ULK4: variants seen among roughly 807,000 people sequenced by gnomAD.
ULK4 encodes the protein inactive serine/threonine-protein kinase ULK4.
ULK4 carries 133 observed loss-of-function variants against 160.6 expected under a neutral mutation model. The ratio of observed to expected loss-of-function variants is 0.83; its 90% CI spans 0.72 to 0.96. The LOEUF (loss-of-function observed/expected upper bound fraction) is 0.96, where lower values mean the gene tolerates loss of function less well. Among genes scored for constraint, ULK4 ranks in the 40% least tolerant of loss-of-function variants. The pLI is 0.00. For missense variants in ULK4, 1,580 were observed against 1,499.5 expected (o/e 1.05, Z -0.89); for synonymous variants, 534 against 539.8 (o/e 0.99, Z 0.15).
At chr3:41,564,825 A>C (rs2087731769) in intron 32 of ULK4, among the ~76,000 whole-genome samples, 1 of 152,118 alleles carries the variant, frequency 6.6e-6, no homozygotes, top group Non-Finnish European at 1.5e-5. Context: ...AGTCTACAGT[A>C]GTGTACAGGA....
intron 34 of ULK4, among the ~76,000 whole-genome samples, chr3:41,422,370 G>A (rs1331702192): frequency 2.0e-5 from 3 of 152,090 alleles, no homozygotes; most frequent in Non-Finnish European, 4.4e-5. Flanking sequence ...CCACCTGCTT[G>A]TGGTGAAATT....
rs1221812410 is a variant in ULK4, at chr3:41,249,542, G to C, written c.3711C>G (p.Leu1237=). The C allele has an allele frequency of 9.3e-6, 15 of 1,613,996 alleles. No homozygotes were observed. Among genetic ancestry groups the C allele is most frequent in the Non-Finnish European group, 1.3e-5 (15 of 1,180,002 alleles). Residue 1237 remains leucine, a synonymous_variant, in exon 36 of 37, where the codon CTC becomes CTG. Transcript: ENST00000301831. ...CCCGCAGGAGGCTGCCTGCATTCTT[G>C]AGGCTCTCCAAGTGCTTCTCATTGG... The part of the protein sequence containing the change: ...ITSNEKHLES[L]KNAGSLLRAL...
chr3:41,679,723 T>G (rs1421763270), intron 29 of ULK4, among the ~76,000 whole-genome samples: 1 of 152,220 alleles, frequency 6.6e-6, no homozygotes, highest in South Asian at 2.1e-4. Context: ...AAATGTGGTT[T>G]CAGATTAACA....
rs1279954275 is a variant in ULK4 at position 41,774,562 on chromosome 3, G to C, written c.2193+15099C>G. Among the ~76,000 whole-genome samples, 5 of 148,598 alleles carry C rather than the reference G, an allele frequency of 3.4e-5. No individual in the cohort carries two copies. The East Asian group carries it at 7.7e-4, about 23-fold the overall frequency. On this transcript the variant is annotated intron_variant, in intron 21 of 36. Transcript: ENST00000301831. The stretch of plus-strand genomic sequence containing the variant: ...CAGTTAGAATGGCGATCATTAAAAA[G>C]TCAGGAAACAACAGGTGCTGGAGAG...
At chr3:41,775,192 G>T (rs1413417969) in intron 21 of ULK4, among the ~76,000 whole-genome samples, 1 of 150,016 alleles carries the variant, frequency 6.7e-6, no homozygotes, top group African/African-American at 2.5e-5. Context: ...TGCACGTTGT[G>T]CACATGTACC....
chr3:41,769,299 C>T (rs1379147067), intron 21 of ULK4, among the ~76,000 whole-genome samples: 7 of 152,190 alleles, frequency 4.6e-5, no homozygotes, highest in Admixed American at 3.3e-4. Context: ...TAACCTTAAG[C>T]AATGTGTACC....
chr3:41,632,512 T>G (rs1371751657), intron 30 of ULK4, among the ~76,000 whole-genome samples: 2 of 152,082 alleles, frequency 1.3e-5, no homozygotes, highest in East Asian at 1.9e-4. Flanking sequence ...CTGGGCCAAA[T>G]GAGAGCTGCA....
chr3:41,590,781 G>GA (rs553763939), intron 31 of ULK4, among the ~76,000 whole-genome samples: 2,648 of 120,968 alleles, frequency 0.022, 61 homozygotes, highest in African/African-American at 0.067. Context: ...GGTACAGAAA[G>GA]AAAAAAAAAA....
At chr3:41,400,657 C>A (rs1179095707) in intron 34 of ULK4, among the ~76,000 whole-genome samples, 1 of 152,120 alleles carries the variant, frequency 6.6e-6, no homozygotes, top group Non-Finnish European at 1.5e-5. Context: ...TTTGTGTGAA[C>A]ATTAGCTTTC....
intron 35 of ULK4, among the ~76,000 whole-genome samples, chr3:41,315,274 G>A (rs1474947818): frequency 6.6e-6 from 1 of 152,070 alleles, no homozygotes; most frequent in African/African-American, 2.4e-5. Context: ...TCAAATTTAT[G>A]GCAACAAGTG....
intron 32 of ULK4, among the ~76,000 whole-genome samples, chr3:41,481,880 T>C (rs1321748740): frequency 6.8e-6 from 1 of 147,694 alleles, no homozygotes; most frequent in Non-Finnish European, 1.5e-5. Context: ...GCTTTAAAGA[T>C]AATATTGATT....
intron 1 of ULK4, among the ~76,000 whole-genome samples, chr3:41,957,487 A>C (rs1700523039): frequency 6.7e-6 from 1 of 149,986 alleles, no homozygotes; most frequent in South Asian, 2.1e-4. Context: ...ATAACCTGGC[A>C]TCTCTCTGGA....
chr3:41,862,556 G>C (rs186377842), intron 17 of ULK4, among the ~76,000 whole-genome samples: 2 of 151,892 alleles, frequency 1.3e-5, no homozygotes, highest in Non-Finnish European at 2.9e-5. Flanking sequence ...AAGGCTTTTC[G>C]GATATTTGAA....
chr3:41,830,772 T>C (rs1203203166), intron 18 of ULK4, among the ~76,000 whole-genome samples: 2 of 151,552 alleles, frequency 1.3e-5, no homozygotes, highest in South Asian at 2.1e-4. Context: ...TAAAGAATAA[T>C]TAAGCCAAAA....
intron 34 of ULK4, among the ~76,000 whole-genome samples, chr3:41,408,099 C>A (rs1468435708): frequency 6.6e-6 from 1 of 151,342 alleles, no homozygotes; most frequent in East Asian, 1.9e-4. Flanking sequence ...AGCATTAAAA[C>A]AAATGGCATA....
intron 21 of ULK4, among the ~76,000 whole-genome samples, chr3:41,775,458 G>C (rs904695041): frequency 1.3e-5 from 2 of 148,242 alleles, no homozygotes; most frequent in African/African-American, 2.6e-5. Flanking sequence ...GAGTGCAGTG[G>C]TGCAATCTGG....
intron 21 of ULK4, among the ~76,000 whole-genome samples, chr3:41,772,900 G>C (rs1290053053): frequency 6.6e-6 from 1 of 152,220 alleles, no homozygotes; most frequent in African/African-American, 2.4e-5. Flanking sequence ...TCCCTGGGAT[G>C]CAAGGCTGGT....
chr3:41,633,155 G>A (rs2033816754), intron 30 of ULK4, among the ~76,000 whole-genome samples: 1 of 152,230 alleles, frequency 6.6e-6, no homozygotes, highest in African/African-American at 2.4e-5. Flanking sequence ...GATCATGTTA[G>A]TCATGCTGAG....
At chr3:41,913,221 C>CTTTTTT (rs562065017) in intron 8 of ULK4, 1 of 99,488 alleles carries the variant, frequency 1.0e-5, no homozygotes, top group African/African-American at 3.5e-5. Context: ...ATTTGAAATT[C>CTTTTTT]TTTTTTTTTT....
Sources: allele counts gnomAD v4.1 joint callset (sites outside exome capture counted in the v4.1 genomes callset), GRCh38; gene constraint gnomAD v4.1.1; transcripts MANE v1.5; gene names NCBI Gene and HGNC (gene_info 2026-07-23, HGNC 2026-07-21).